Variants in CFAP92 observed in about 807,000 individuals in gnomAD.
The protein encoded by CFAP92 is uncharacterized protein CFAP92.
In CFAP92, 86 loss-of-function variants were observed where a neutral mutation model predicts 106.3. The ratio of observed to expected loss-of-function variants is 0.81; its 90% CI spans 0.68 to 0.97. The LOEUF is 0.97. CFAP92 is among the 50% of genes least tolerant of loss of function. The pLI is 0.00. For missense variants in CFAP92, 1,204 were observed against 1,283.8 expected (o/e 0.94, Z 0.95); for synonymous variants, 477 against 506.4 (o/e 0.94, Z 0.78).
intron 9 of CFAP92, among the ~76,000 whole-genome samples, chr3:128,948,377 C>CGTT (rs756520909): frequency 7.5e-5 from 6 of 79,710 alleles, no homozygotes; most frequent in African/African-American, 2.3e-4. Context: ...CTTTTCTTTC[C>CGTT]TTTTTTTTTT....
At chr3:128,999,458 G>A (rs1445771923) in intron 1 of CFAP92, among the ~76,000 whole-genome samples, 4 of 152,038 alleles carry the variant, frequency 2.6e-5, no homozygotes, top group Non-Finnish European at 4.4e-5. Flanking sequence ...CTGCAGGGAT[G>A]GGGGGTGGGG....
At chr3:129,004,074 A>G (rs907876182), upstream of CFAP92, 12 of 1,500,978 alleles carry the variant, frequency 8.0e-6, no homozygotes, top group Admixed American at 4.3e-5. Flanking sequence ...CTGCAACGCT[A>G]CAGGTGAGCG....
At chr3:128,944,989 G>T in intron 10 of CFAP92, 82 bp downstream of exon 10, 1 of 1,226,192 alleles carries the variant, frequency 8.2e-7, no homozygotes, top group Non-Finnish European at 1.1e-6. Flanking sequence ...GCTAAACCTA[G>T]GCTTGGCTCT....
Position 128,945,742 on chromosome 3 carries a change from C to T in CFAP92, c.1587G>A (p.Gly529=). ...TGAGGTATGAATCCAGAGGGTCCTC[C>T]CCAAACAGCACGGGCTTCTGAGAAC... ...EECSQKPVLF[G]EDPLDSYLNF... Residue 529 remains glycine, a synonymous_variant, in exon 10 of 16, where the codon GGG becomes GGA. Coordinates refer to ENST00000645291, the MANE Select transcript of CFAP92 (RefSeq NM_001394090.1). 1 of 1,535,756 alleles carries T rather than the reference C, an allele frequency of 6.5e-7. No homozygotes were observed. Among genetic ancestry groups the T allele is most frequent in the African/African-American group, 1.4e-5 (1 of 73,136 alleles).
chr3:128,973,725 C>T (rs2107785744), intron 7 of CFAP92, among the ~76,000 whole-genome samples: 1 of 151,720 alleles, frequency 6.6e-6, no homozygotes, highest in Non-Finnish European at 1.5e-5. Context: ...GCAATGGGGT[C>T]GAGGCTCACA....
intron 10 of CFAP92, among the ~76,000 whole-genome samples, chr3:128,942,989 C>T (rs1255260589): frequency 3.6e-5 from 5 of 139,100 alleles, no homozygotes; most frequent in Admixed American, 7.8e-5. Context: ...GGCGCGATCT[C>T]ACTCACTGCA....
At chr3:128,911,537 A>C (rs551589772) in intron 15 of CFAP92, among the ~76,000 whole-genome samples, 2 of 152,266 alleles carry the variant, frequency 1.3e-5, no homozygotes, top group South Asian at 2.1e-4. Flanking sequence ...TCCTGGGTTC[A>C]AGCAACTCCT....
At chr3:128,964,961 G>A (rs201423242) in intron 9 of CFAP92, among the ~76,000 whole-genome samples, 225 of 139,136 alleles carry the variant, frequency 1.6e-3, no homozygotes, top group Middle Eastern at 3.7e-3. Flanking sequence ...AGGCAGGAAT[G>A]TCAGGCCTCT....
chr3:128,964,088 T>C (rs1481312058), intron 9 of CFAP92, among the ~76,000 whole-genome samples: 2 of 152,248 alleles, frequency 1.3e-5, no homozygotes, highest in Non-Finnish European at 2.9e-5. Flanking sequence ...TACAGTCTGA[T>C]AATAGACCAG....
chr3:129,006,934 T>C (rs955545562), upstream of CFAP92, among the ~76,000 whole-genome samples: 1 of 152,182 alleles, frequency 6.6e-6, no homozygotes, highest in Non-Finnish European at 1.5e-5. Context: ...CCATGGGCAT[T>C]TATTGAGCAT....
At chr3:128,965,818 TA>T (rs544351977) in intron 8 of CFAP92, 123 bp from the exon 9 acceptor site, 43,595 of 287,408 alleles carry the variant, frequency 0.15, 21 homozygotes, top group Middle Eastern at 0.19. Flanking sequence ...AAACTTTAAT[TA>T]AAAAAAAAAA....
intron 9 of CFAP92, among the ~76,000 whole-genome samples, chr3:128,951,919 G>A (rs1389291561): frequency 6.6e-6 from 1 of 152,038 alleles, no homozygotes; most frequent in East Asian, 1.9e-4. Flanking sequence ...TGGAAATGAA[G>A]CCTCCCATCA....
intron 13 of CFAP92, 143 bp downstream of exon 13, chr3:128,915,964 A>T: frequency 1.9e-6 from 1 of 526,524 alleles, no homozygotes; most frequent in Non-Finnish European, 2.9e-6. Flanking sequence ...ACACCTCTCA[A>T]CATCTGAGCC....
At position 128,912,303 on chromosome 3, in the gene CFAP92, G is replaced by C. The variant is rs113764236; in HGVS notation, c.3281-1970C>G. On this transcript the variant is annotated intron_variant, in intron 15 of 15. Transcript: ENST00000645291. The stretch of plus-strand genomic sequence containing the variant: ...TGGGGGTTAGAGATGAGCAGGATGA[G>C]TCCTTTGTAACTGAGAATGAAGCTG... Among the ~76,000 whole-genome samples, 693 of 152,290 alleles carry C rather than the reference G, an allele frequency of 4.6e-3. 2 individuals carry two copies. The highest frequency in any genetic ancestry group is 0.016 in the African/African-American group (652 of 41,556).
the CFAP92 span, among the ~76,000 whole-genome samples, chr3:129,021,518 GA>G: frequency 2.6e-5 from 4 of 152,184 alleles, no homozygotes; most frequent in Admixed American, 2.6e-4. Context: ...AGGTTGTGGT[GA>G]GACTAGATCA....
chr3:129,002,032 C>T, intron 1 of CFAP92: 1 of 1,544,184 alleles, frequency 6.5e-7, no homozygotes, highest in Non-Finnish European at 8.7e-7. Context: ...GCGCTGCGCG[C>T]CGAGCCGCCG....
At position 128,916,051 on chromosome 3, in the gene CFAP92, A is replaced by G. The variant is rs978785929; in HGVS notation, c.2916+56T>C. The G allele has an allele frequency of 3.1e-5, 37 of 1,195,254 alleles. No homozygotes were observed. The Admixed American group carries it at 1.2e-3, about 39-fold the overall frequency. The allele number at this position is 1,195,254 out of a possible 1,614,324, so 74.0% of individuals were successfully genotyped here. ...CACTGACCTCCAGGCAGGCATGGTCAGAATAAAGAACTCATGGGATTTGCC... is the reference window on the plus strand; with the variant it reads ...CACTGACCTCCAGGCAGGCATGGTCGGAATAAAGAACTCATGGGATTTGCC... On this transcript the variant is annotated intron_variant, in intron 13 of 15. Coordinates refer to ENST00000645291, the MANE Select transcript of CFAP92 (RefSeq NM_001394090.1).
chr3:128,971,447 C>A lies in CFAP92; in HGVS notation c.1022-14G>T. 1 of 1,580,328 alleles carries A rather than the reference C, an allele frequency of 6.3e-7. No homozygotes were observed. The highest frequency in any genetic ancestry group is 1.2e-5 in the South Asian group (1 of 86,418). Reference sequence around the variant, plus strand: ...CTTTCCCTTTAACTGTGAAATCAAACAAAGGAGATGAGCATTAAGAGGAGA... The same window carrying A: ...CTTTCCCTTTAACTGTGAAATCAAAAAAAGGAGATGAGCATTAAGAGGAGA... On this transcript the variant is annotated splice_polypyrimidine_tract_variant and intron_variant, in intron 7 of 15. Transcript: ENST00000645291.
At chr3:128,952,650 G>A (rs1940925918) in intron 9 of CFAP92, among the ~76,000 whole-genome samples, 1 of 152,180 alleles carries the variant, frequency 6.6e-6, no homozygotes, top group African/African-American at 2.4e-5. Context: ...GTGTGGTGGT[G>A]CATGCCTTTA....
Sources: allele counts gnomAD v4.1 joint callset (sites outside exome capture counted in the v4.1 genomes callset), GRCh38; gene constraint gnomAD v4.1.1; transcripts MANE v1.5; gene names NCBI Gene and HGNC (gene_info 2026-07-23, HGNC 2026-07-21).